Variants in UTP4 observed in about 807,000 individuals in gnomAD.
UTP4 encodes UTP4 small subunit processome component.
In UTP4, 45 loss-of-function variants were observed where a neutral mutation model predicts 82.4. That is an observed-to-expected ratio of 0.55 (90% CI 0.43 to 0.70). The LOEUF is 0.70. Among genes scored for constraint, UTP4 ranks in the 30% least tolerant of loss-of-function variants. The probability of loss-of-function intolerance (pLI) is 0.00; values close to 1 mark genes in which losing one functional copy is unlikely to be tolerated. For synonymous variants in UTP4, 348 were observed against 300.3 expected, an observed-to-expected ratio of 1.16 and a Z score of -1.64; for missense variants, 819 against 858.3, an observed-to-expected ratio of 0.95 and a Z score of 0.57.
chr16:69,157,280 T>G (rs372289803), intron 12 of UTP4, 40 bp downstream of exon 12: 1 of 1,608,274 alleles, frequency 6.2e-7, no homozygotes, highest in East Asian at 2.2e-5. Flanking sequence ...ACTTGTCGTG[T>G]CTAAGATGTA....
intron 6 of UTP4, among the ~76,000 whole-genome samples, chr16:69,145,494 C>T (rs1170678742): frequency 6.6e-6 from 1 of 152,028 alleles, no homozygotes; most frequent in Non-Finnish European, 1.5e-5. Context: ...CTCAGGTGAT[C>T]CACCAGCCTC....
chr16:69,159,863 C>T (rs1963519115), intron 12 of UTP4, among the ~76,000 whole-genome samples: 1 of 151,882 alleles, frequency 6.6e-6, no homozygotes, highest in South Asian at 2.1e-4. Flanking sequence ...TGGTGGGTGC[C>T]TGTAATCCCA....
intron 8 of UTP4, among the ~76,000 whole-genome samples, chr16:69,152,116 C>T (rs1031919666): frequency 6.6e-6 from 1 of 151,484 alleles, no homozygotes; most frequent in African/African-American, 2.4e-5. Context: ...ACATAGTCCT[C>T]ATAATCTCTT....
At chr16:69,157,373 G>C in intron 12 of UTP4, 133 bp downstream of exon 12, 2 of 883,930 alleles carry the variant, frequency 2.3e-6, no homozygotes, top group Non-Finnish European at 1.8e-6. Flanking sequence ...CATGTTTGCT[G>C]TTTCAAGTAG....
intron 10 of UTP4, among the ~76,000 whole-genome samples, chr16:69,155,281 C>T (rs577814382): frequency 6.6e-6 from 1 of 152,056 alleles, no homozygotes; most frequent in South Asian, 2.1e-4. Context: ...TCAGGTGATC[C>T]TACCACTTCA....
intron 1 of UTP4, 29 bp from the exon 2 acceptor site, chr16:69,133,429 G>C (rs772776542): frequency 6.2e-7 from 1 of 1,610,616 alleles, no homozygotes; most frequent in Admixed American, 1.7e-5. Context: ...TTAACATATA[G>C]CAATAATGAC....
Position 69,163,157 on chromosome 16 carries a change from C to G in UTP4, c.1626C>G (p.Val542=). ...TTGCCCCCAATACCAACAACCTTGT[C>G]ATCGCTCATTCGGACCAGCAGGTAA... ...MAIAPNTNNL[V]IAHSDQQVFE... is the part of the protein sequence containing the mutation. Residue 542 remains valine, a synonymous_variant, in exon 14 of 17, where the codon GTC becomes GTG. Coordinates refer to ENST00000314423, the MANE Select transcript of UTP4 (RefSeq NM_032830.3). 6.2e-7 allele frequency: 1 copy of G among 1,613,782 alleles called. No homozygotes were observed. Among genetic ancestry groups the G allele is most frequent in the Non-Finnish European group, 8.5e-7 (1 of 1,179,656 alleles).
intron 16 of UTP4, chr16:69,167,451 T>C (rs1963729959): frequency 2.3e-6 from 1 of 432,136 alleles, no homozygotes; most frequent in African/African-American, 2.0e-5. Flanking sequence ...GTAGAGTCTT[T>C]GTTGTCATGA....
intron 16 of UTP4, chr16:69,167,657 G>A (rs1963734346): frequency 6.0e-6 from 1 of 165,442 alleles, no homozygotes; most frequent in African/African-American, 2.4e-5. Flanking sequence ...AAAAAGGAGA[G>A]TTCTGTAAAT....
At chr16:69,155,062 C>T (rs1963375583) in intron 10 of UTP4, among the ~76,000 whole-genome samples, 1 of 150,984 alleles carries the variant, frequency 6.6e-6, no homozygotes. Flanking sequence ...AAAGGGTATA[C>T]AATGAAAAAA....
chr16:69,157,311 C>T, intron 12 of UTP4, 71 bp downstream of exon 12: 1 of 1,501,498 alleles, frequency 6.7e-7, no homozygotes, highest in Non-Finnish European at 9.1e-7. Context: ...TTTTAAGCCT[C>T]CATGTCGGGG....
At position 69,157,163 on chromosome 16, in the gene UTP4, C is replaced by T. The variant is rs749653993; in HGVS notation, c.1367C>T (p.Ser456Leu). The T allele has an allele frequency of 5.6e-6, 9 of 1,614,042 alleles. No individual in the cohort carries two copies. The East Asian group carries it at 8.9e-5, about 16-fold the overall frequency. The part of the protein sequence containing the change: ...SEDSTKLFVA[S>L]NQGALHIVQL... Reference sequence around the variant, plus strand: ...GATTCAACAAAGCTCTTTGTAGCATCAAATCAAGGAGCTCTGCATATTGTT... The same window carrying T: ...GATTCAACAAAGCTCTTTGTAGCATTAAATCAAGGAGCTCTGCATATTGTT... The change falls in exon 12 of 17, where the codon TCA becomes TTA. Residue 456 changes from serine (S) to leucine (L), a missense_variant. Ser to Leu is a moderately radical substitution (Grantham distance 145). Transcript: ENST00000314423.
Position 69,167,059 on chromosome 16 carries a change from G to GACA in UTP4, c.1834-16_1834-15insACA. On this transcript the variant is annotated splice_polypyrimidine_tract_variant and intron_variant, in intron 15 of 16. Transcript: ENST00000314423. The stretch of plus-strand genomic sequence containing the variant: ...ATAAAAGTAACCATTTAAACAATGT[G>GACA]TCTTTGTTTTTTTAGCCCCTTCCAA... 6.5e-7 allele frequency: 1 copy of GACA among 1,549,334 alleles called. No individual in the cohort carries two copies.
At position 69,133,122 on chromosome 16, in the gene UTP4, A is replaced by G. The variant is rs1460978784; in HGVS notation, c.-2-336A>G. The G allele has an allele frequency of 2.1e-5, 7 of 332,326 alleles. No homozygotes were observed. The East Asian group carries it at 3.1e-4, about 15-fold the overall frequency. 20.6% of individuals were successfully genotyped at this position (332,326 alleles called of 1,614,324 possible). The stretch of plus-strand genomic sequence containing the variant: ...CCATCAGCCTCACTGTCACTACCTC[A>G]GTTTAGGTCTGTTGTTTGCAAACTT... On this transcript the variant is annotated intron_variant, in intron 1 of 16. Transcript: ENST00000314423.
intron 6 of UTP4, among the ~76,000 whole-genome samples, chr16:69,147,764 T>C (rs1016037161): frequency 6.6e-6 from 1 of 152,168 alleles, no homozygotes; most frequent in Middle Eastern, 3.2e-3. Flanking sequence ...ATTTTATTCA[T>C]TTTGTGCATG....
At chr16:69,144,095 G>T (rs961277774) in intron 6 of UTP4, among the ~76,000 whole-genome samples, 26 of 150,066 alleles carry the variant, frequency 1.7e-4, no homozygotes, top group African/African-American at 6.4e-4. Flanking sequence ...ACCATGTTGG[G>T]CAGGCTAGTC....
chr16:69,163,833 A>G (rs1963626679), intron 14 of UTP4, among the ~76,000 whole-genome samples: 1 of 151,176 alleles, frequency 6.6e-6, no homozygotes, highest in African/African-American at 2.4e-5. Flanking sequence ...CAGGAAGCAC[A>G]TTTAAGTAGA....
chr16:69,160,578 TTTTTA>T, intron 13 of UTP4, 116 bp downstream of exon 13: 1 of 758,782 alleles, frequency 1.3e-6, no homozygotes, highest in Non-Finnish European at 2.2e-6. Flanking sequence ...GACTTTTTTC[TTTTTA>T]TTTTCTTTTC....
chr16:69,134,235 T>C (rs1260475067), intron 2 of UTP4, among the ~76,000 whole-genome samples: 2 of 152,124 alleles, frequency 1.3e-5, no homozygotes, highest in East Asian at 1.9e-4. Context: ...ATGACTGTTA[T>C]GTACTGGGTG....
Sources: allele counts gnomAD v4.1 joint callset (sites outside exome capture counted in the v4.1 genomes callset), GRCh38; gene constraint gnomAD v4.1.1; transcripts MANE v1.5; gene names NCBI Gene and HGNC (gene_info 2026-07-23, HGNC 2026-07-21).